The following TRAK2 variants were observed in gnomAD, a reference collection of about 807,000 sequenced individuals.
The protein encoded by TRAK2 is trafficking kinesin protein 2.
In TRAK2, 81 loss-of-function variants were observed where a neutral mutation model predicts 104.6. That is an observed-to-expected ratio of 0.77 (90% confidence interval 0.65 to 0.93). The LOEUF (loss-of-function observed/expected upper bound fraction) is 0.93, where lower values mean the gene tolerates loss of function less well. Ranked by LOEUF, TRAK2 falls within the 40% of genes least tolerant of loss-of-function variation. The pLI, the probability that TRAK2 is intolerant of heterozygous loss-of-function variation, is 0.00. For missense variants in TRAK2, 1,002 were observed against 1,089.0 expected (o/e 0.92, Z 1.12); for synonymous variants, 406 against 394.4 (o/e 1.03, Z -0.35).
intron 14 of TRAK2, 39 bp from the exon 15 acceptor site, chr2:201,384,255 G>A (rs763105853): frequency 1.4e-6 from 2 of 1,438,040 alleles, no homozygotes; most frequent in Middle Eastern, 1.8e-4. Flanking sequence ...AAGATTGAAA[G>A]TCTAGATTAA....
intron 2 of TRAK2, among the ~76,000 whole-genome samples, chr2:201,418,326 C>T (rs1951710556): frequency 6.6e-6 from 1 of 152,176 alleles, no homozygotes; most frequent in South Asian, 2.1e-4. Context: ...ACTACAGGTG[C>T]ATGCCACCAC....
intron 2 of TRAK2, among the ~76,000 whole-genome samples, chr2:201,408,306 ATTTTTAAT>A (rs1951614299): frequency 6.6e-6 from 1 of 151,984 alleles, no homozygotes; most frequent in Non-Finnish European, 1.5e-5. Flanking sequence ...GCTTTTTTTA[ATTTTTAAT>A]TTTTTAATTT....
At chr2:201,382,917 C>T (rs1951356459) in intron 15 of TRAK2, among the ~76,000 whole-genome samples, 1 of 152,260 alleles carries the variant, frequency 6.6e-6, no homozygotes, top group East Asian at 1.9e-4. Flanking sequence ...ATTTTATATC[C>T]TTACTCTTGA....
chr2:201,445,763 T>C (rs1951959667), intron 1 of TRAK2, among the ~76,000 whole-genome samples: 1 of 152,152 alleles, frequency 6.6e-6, no homozygotes, highest in Non-Finnish European at 1.5e-5. Context: ...GGGAAGGTAT[T>C]TGGAGATTTA....
intron 2 of TRAK2, chr2:201,413,266 C>T: frequency 7.6e-7 from 1 of 1,321,922 alleles, no homozygotes; most frequent in East Asian, 2.3e-5. Context: ...TCAGCTGTTA[C>T]TTCTGTAACA....
chr2:201,384,734 T>C (rs1032737534), intron 14 of TRAK2, among the ~76,000 whole-genome samples: 1 of 152,230 alleles, frequency 6.6e-6, no homozygotes, highest in Non-Finnish European at 1.5e-5. Flanking sequence ...TTTATTGTTA[T>C]GCACTTGGTA....
At chr2:201,405,592 G>A (rs1951586672) in intron 3 of TRAK2, among the ~76,000 whole-genome samples, 1 of 152,138 alleles carries the variant, frequency 6.6e-6, no homozygotes, top group African/African-American at 2.4e-5. Flanking sequence ...GATTGCAGGG[G>A]TCCACAAAGA....
chr2:201,410,318 C>A (rs866091677), intron 2 of TRAK2, among the ~76,000 whole-genome samples: 20 of 149,686 alleles, frequency 1.3e-4, no homozygotes, highest in Middle Eastern at 3.5e-3. Context: ...AAAAAAAAAA[C>A]AAAAAACCTG....
At chr2:201,393,184 A>C in intron 9 of TRAK2, 138 bp from the exon 10 acceptor site, 1 of 822,006 alleles carries the variant, frequency 1.2e-6, no homozygotes, top group South Asian at 2.5e-5. Context: ...CAATACAAAG[A>C]CTAAAACAAA....
At chr2:201,445,892 T>C (rs367879769) in intron 1 of TRAK2, among the ~76,000 whole-genome samples, 1 of 152,248 alleles carries the variant, frequency 6.6e-6, no homozygotes, top group Admixed American at 6.5e-5. Flanking sequence ...AATTTTGGAA[T>C]GGAGAGATTA....
chr2:201,446,930 A>G (rs539717776), intron 1 of TRAK2, among the ~76,000 whole-genome samples: 1 of 152,266 alleles, frequency 6.6e-6, no homozygotes, highest in South Asian at 2.1e-4. Flanking sequence ...GCTATATACA[A>G]ATTCTTTCCC....
At chr2:201,448,893 G>A (rs867486219) in intron 1 of TRAK2, among the ~76,000 whole-genome samples, 2 of 152,086 alleles carry the variant, frequency 1.3e-5, no homozygotes, top group Non-Finnish European at 2.9e-5. Flanking sequence ...TAGACATGGG[G>A]TTTTGCTATG....
chr2:201,400,979 T>C, intron 4 of TRAK2, 39 bp downstream of exon 4: 1 of 1,526,346 alleles, frequency 6.6e-7, no homozygotes, highest in Admixed American at 1.7e-5. Flanking sequence ...ATCCTCAAGT[T>C]TTACCTTTTT....
intron 14 of TRAK2, among the ~76,000 whole-genome samples, chr2:201,384,548 C>A (rs926665432): frequency 4.6e-5 from 7 of 152,044 alleles, no homozygotes; most frequent in Non-Finnish European, 7.4e-5. Flanking sequence ...AAAGTGTGGT[C>A]TGCAGACTCT....
Position 201,381,046 on chromosome 2 carries a change from G to C in TRAK2, c.2242C>G (p.Arg748Gly), listed in dbSNP as rs199659556. The C allele has an allele frequency of 2.5e-6, 4 of 1,613,956 alleles. No individual in the cohort carries two copies. Among genetic ancestry groups the C allele is most frequent in the Non-Finnish European group, 3.4e-6 (4 of 1,179,990 alleles). ...TMSLAKLLQE[R>G]GISAKVYHSP... ...TGGTACACTTTGGCAGAGATGCCTC[G>C]CTCTTGTAGAAGTTTGGCCAAGCTC... Residue 748 changes from arginine to glycine, a missense_variant, in exon 16 of 16, where the codon CGA becomes GGA. Transcript: ENST00000332624.
chr2:201,393,572 T>C (rs979994894), intron 9 of TRAK2, among the ~76,000 whole-genome samples: 2 of 152,154 alleles, frequency 1.3e-5, no homozygotes, highest in African/African-American at 2.4e-5. Flanking sequence ...ATTTTCAGAG[T>C]ATATTTTAAC....
At chr2:201,384,837 C>T (rs2714487) in intron 14 of TRAK2, among the ~76,000 whole-genome samples, 44,027 of 151,982 alleles carry the variant, frequency 0.29, 6,675 homozygotes, top group Admixed American at 0.38. Flanking sequence ...GAGTCTTTTT[C>T]CTGTTCTGTG....
chr2:201,386,198 C>T lies in TRAK2; in HGVS notation c.1963+20G>A. On this transcript the variant is annotated intron_variant, in intron 14 of 15. Coordinates refer to ENST00000332624, the MANE Select transcript of TRAK2 (RefSeq NM_015049.3). ...GTACTTCTGGTTATTATACCATATTCAACCAGACACTCTTCTCACCTGTAA... is the reference window on the plus strand; with the variant it reads ...GTACTTCTGGTTATTATACCATATTTAACCAGACACTCTTCTCACCTGTAA... 1.9e-6 allele frequency: 3 copies of T among 1,613,240 alleles called. No individual in the cohort carries two copies. The highest frequency in any genetic ancestry group is 2.5e-6 in the Non-Finnish European group (3 of 1,179,392).
intron 1 of TRAK2, among the ~76,000 whole-genome samples, chr2:201,426,226 G>A (rs1003018875): frequency 3.9e-5 from 6 of 152,212 alleles, no homozygotes; most frequent in East Asian, 1.9e-4. Context: ...TCAGATCAGC[G>A]GCAGCATTAG....
Sources: allele counts gnomAD v4.1 joint callset (sites outside exome capture counted in the v4.1 genomes callset), GRCh38; gene constraint gnomAD v4.1.1; transcripts MANE v1.5; gene names NCBI Gene and HGNC (gene_info 2026-07-23, HGNC 2026-07-21).